Variants in XPNPEP1 observed in about 807,000 individuals in gnomAD.
The protein encoded by XPNPEP1 is xaa-Pro aminopeptidase 1.
Under a neutral mutation model 92.4 loss-of-function variants are expected in XPNPEP1, and 39 were observed. The ratio of observed to expected loss-of-function variants is 0.42; its 90% CI spans 0.33 to 0.55. The LOEUF (loss-of-function observed/expected upper bound fraction) is 0.55. Ranked by LOEUF, XPNPEP1 falls within the 20% of genes least tolerant of loss-of-function variation. The pLI is 0.08. For missense variants in XPNPEP1, 654 were observed against 856.1 expected, an observed-to-expected ratio of 0.76 and a Z score of 2.95; for synonymous variants, 307 against 299.4, an observed-to-expected ratio of 1.03 and a Z score of -0.26.
chr10:109,877,156 A>G (rs955217569), intron 14 of XPNPEP1: 6 of 152,584 alleles, frequency 3.9e-5, no homozygotes, highest in African/African-American at 1.4e-4. Context: ...ACCAAGAAAG[A>G]AAACTACTCA....
At chr10:109,890,615 AGAGAGAGAG>A in intron 5 of XPNPEP1, among the ~76,000 whole-genome samples, 1 of 151,712 alleles carries the variant, frequency 6.6e-6, no homozygotes. Flanking sequence ...AGAGAGAGAG[AGAGAGAGAG>A]AAAGGGAAAG....
intron 1 of XPNPEP1, among the ~76,000 whole-genome samples, chr10:109,919,404 A>C (rs1850402483): frequency 6.6e-6 from 1 of 152,238 alleles, no homozygotes; most frequent in Admixed American, 6.5e-5. Context: ...TCATTAGGGA[A>C]ACACAAATCG....
chr10:109,865,836 G>A (rs917723699), intron 20 of XPNPEP1, among the ~76,000 whole-genome samples: 3 of 152,234 alleles, frequency 2.0e-5, no homozygotes, highest in Non-Finnish European at 2.9e-5. Flanking sequence ...CTGTGGTGCA[G>A]CAGAATGGCG....
chr10:109,905,985 T>C (rs1420809773), intron 3 of XPNPEP1, among the ~76,000 whole-genome samples: 4 of 152,182 alleles, frequency 2.6e-5, no homozygotes, highest in African/African-American at 4.8e-5. Flanking sequence ...AATCTTGAGG[T>C]TGAGTTGTTC....
chr10:109,886,391 T>A (rs372360851), intron 7 of XPNPEP1, 50 bp from the exon 8 acceptor site: 1 of 1,558,704 alleles, frequency 6.4e-7, no homozygotes, highest in Admixed American at 1.7e-5. Context: ...CAGAAAGCAG[T>A]AGGAACCCAG....
Position 109,869,844 on chromosome 10 carries a change from C to T in XPNPEP1, c.1773+109G>A. 3.5e-6 allele frequency: 4 copies of T among 1,149,778 alleles called. No individual in the cohort carries two copies. In the South Asian group the frequency reaches 5.6e-5, roughly 16 times the overall value. 71.2% of individuals were successfully genotyped at this position (1,149,778 alleles called of 1,614,324 possible). On this transcript the variant is annotated intron_variant, in intron 19 of 20. Coordinates refer to ENST00000502935, the MANE Select transcript of XPNPEP1 (RefSeq NM_020383.4). ...GTCTTCATCTTCCCACACTAAGAAA[C>T]AGGAAAATTTTTAAGCTTTGCGCAG...
chr10:109,874,122 T>C (rs1309527095), intron 15 of XPNPEP1, among the ~76,000 whole-genome samples: 1 of 152,202 alleles, frequency 6.6e-6, no homozygotes, highest in Non-Finnish European at 1.5e-5. Flanking sequence ...GTGAATTACA[T>C]GGTACATAAA....
At chr10:109,872,453 T>A (rs1011843242) in intron 16 of XPNPEP1, among the ~76,000 whole-genome samples, 1 of 152,198 alleles carries the variant, frequency 6.6e-6, no homozygotes, top group Non-Finnish European at 1.5e-5. Flanking sequence ...AGCTTGCCAG[T>A]AAGGTGCAGA....
At chr10:109,874,602 T>C (rs1298216537) in intron 15 of XPNPEP1, among the ~76,000 whole-genome samples, 1 of 152,164 alleles carries the variant, frequency 6.6e-6, no homozygotes, top group Non-Finnish European at 1.5e-5. Flanking sequence ...ATTCAATAAT[T>C]AGGTCCTCCC....
chr10:109,904,836 C>T (rs978573989), intron 3 of XPNPEP1, among the ~76,000 whole-genome samples: 3 of 152,044 alleles, frequency 2.0e-5, no homozygotes, highest in Admixed American at 6.6e-5. Flanking sequence ...ACAGGTGCTG[C>T]AGAAAACAGT....
chr10:109,923,367 T>C (rs1589653070), intron 1 of XPNPEP1, 35 bp downstream of exon 1: 2 of 1,426,518 alleles, frequency 1.4e-6, no homozygotes, highest in Non-Finnish European at 1.8e-6. Flanking sequence ...GGCTGCACGC[T>C]GCCCGGACGC....
At chr10:109,866,486 A>C (rs1847151473) in intron 20 of XPNPEP1, among the ~76,000 whole-genome samples, 1 of 152,260 alleles carries the variant, frequency 6.6e-6, no homozygotes, top group African/African-American at 2.4e-5. Flanking sequence ...TGTCCAAAGC[A>C]GCTCAACAGT....
chr10:109,910,806 T>A (rs1324416378), intron 2 of XPNPEP1, among the ~76,000 whole-genome samples: 1 of 152,254 alleles, frequency 6.6e-6, no homozygotes, highest in African/African-American at 2.4e-5. Context: ...GTTTGCCAAC[T>A]CATTTTTTAA....
chr10:109,891,947 G>T, intron 4 of XPNPEP1, 121 bp from the exon 5 acceptor site: 1 of 847,734 alleles, frequency 1.2e-6, no homozygotes, highest in Non-Finnish European at 1.8e-6. Flanking sequence ...TGGGGCAGAT[G>T]GGTCCTTGAC....
At chr10:109,868,771 T>G (rs1344057637) in intron 19 of XPNPEP1, 59 bp from the exon 20 acceptor site, 1 of 1,504,548 alleles carries the variant, frequency 6.6e-7, no homozygotes, top group Non-Finnish European at 9.2e-7. Context: ...TGAAGCACCA[T>G]GAGGTCATTC....
chr10:109,870,118 A>T, intron 18 of XPNPEP1, 89 bp from the exon 19 acceptor site: 1 of 1,392,690 alleles, frequency 7.2e-7, no homozygotes, highest in South Asian at 1.3e-5. Context: ...TGACTGCCCT[A>T]CTCCAAAGGA....
chr10:109,888,020 C>T, intron 7 of XPNPEP1, 29 bp downstream of exon 7: 2 of 1,604,318 alleles, frequency 1.2e-6, no homozygotes, highest in South Asian at 1.1e-5. Context: ...ATGGCAGGGG[C>T]CCTGCTGGGC....
At chr10:109,880,310 A>G (rs937213323) in intron 11 of XPNPEP1, 72 bp from the exon 12 acceptor site, 11 of 1,491,664 alleles carry the variant, frequency 7.4e-6, no homozygotes, top group Non-Finnish European at 9.3e-6. Context: ...GCCTAGCCCT[A>G]ATGCAATACT....
At chr10:109,871,729 A>G in intron 17 of XPNPEP1, 63 bp downstream of exon 17, 1 of 1,567,238 alleles carries the variant, frequency 6.4e-7, no homozygotes, top group Non-Finnish European at 8.7e-7. Context: ...TCACTCAAAC[A>G]TAGACATATT....
Sources: allele counts gnomAD v4.1 joint callset (sites outside exome capture counted in the v4.1 genomes callset), GRCh38; gene constraint gnomAD v4.1.1; transcripts MANE v1.5; gene names NCBI Gene and HGNC (gene_info 2026-07-23, HGNC 2026-07-21).